Variants in DNAH14 observed in about 807,000 individuals in gnomAD.
DNAH14 encodes axonemal beta dynein heavy chain 14.
Under a neutral mutation model 520.9 loss-of-function variants are expected in DNAH14, and 478 were observed. That is an observed-to-expected ratio of 0.92 (90% CI 0.85 to 0.99). DNAH14 has a LOEUF of 0.99. Among genes scored for constraint, DNAH14 ranks in the 50% least tolerant of loss-of-function variants. DNAH14 has a pLI of 0.00. For synonymous variants in DNAH14, 1,581 were observed against 1,757.2 expected, an observed-to-expected ratio of 0.90 and a Z score of 2.51; for missense variants, 4,831 against 5,234.5, an observed-to-expected ratio of 0.92 and a Z score of 2.38.
chr1:225,030,395 A>G (rs1042383925), intron 11 of DNAH14, among the ~76,000 whole-genome samples: 14 of 151,840 alleles, frequency 9.2e-5, no homozygotes, highest in Admixed American at 5.9e-4. Context: ...ATGAAGTTCA[A>G]TTTATCTGTT....
At chr1:225,161,913 G>A (rs574765223) in intron 35 of DNAH14, among the ~76,000 whole-genome samples, 17 of 152,136 alleles carry the variant, frequency 1.1e-4, no homozygotes, top group South Asian at 1.0e-3. Flanking sequence ...CTAATTCCAT[G>A]TCAGATGGGT....
chr1:225,038,834 C>G lies in DNAH14; in HGVS notation c.1488+11C>G, dbSNP rs959212912. ...ACTGATATTAATGAGGTAAAATGAT[C>G]TTTGAAAAATATAAACATAGATTTT... On this transcript the variant is annotated intron_variant, in intron 12 of 85. Coordinates refer to ENST00000682510, the MANE Select transcript of DNAH14 (RefSeq NM_001367479.1). 2 of 1,461,890 alleles carry G rather than the reference C, an allele frequency of 1.4e-6. No homozygotes were observed. Among genetic ancestry groups the G allele is most frequent in the Middle Eastern group, 1.8e-4 (1 of 5,644 alleles). The allele number at this position is 1,461,890 out of a possible 1,614,324, so 90.6% of individuals were successfully genotyped here. A position where few individuals can be genotyped will look rare whatever the true frequency, so the allele number is the denominator to read the frequency against.
Position 225,159,177 on chromosome 1 carries a change from T to C in DNAH14, c.5274-137T>C, listed in dbSNP as rs1559134633. ...TCTGATTAATTCCACCCAAACCATA[T>C]GGCTGCTATCCAGTGAGAGAGAGGA... On this transcript the variant is annotated intron_variant, in intron 34 of 85. Transcript: ENST00000682510. The C allele has an allele frequency of 4.5e-6, 3 of 669,570 alleles. No individual in the cohort carries two copies. The East Asian group carries it at 8.7e-5, about 19-fold the overall frequency. 41.5% of individuals were successfully genotyped at this position (669,570 alleles called of 1,614,324 possible).
intron 42 of DNAH14, among the ~76,000 whole-genome samples, chr1:225,239,611 G>C (rs1171946728): frequency 6.6e-6 from 1 of 152,154 alleles, no homozygotes; most frequent in East Asian, 1.9e-4. Context: ...GGTGGCCGCT[G>C]CTTCTAATCA....
intron 1 of DNAH14, among the ~76,000 whole-genome samples, chr1:224,944,305 C>G (rs1344340884): frequency 1.3e-5 from 2 of 152,170 alleles, no homozygotes; most frequent in African/African-American, 4.8e-5. Context: ...TTATCTGAGA[C>G]TAGGATTGCA....
chr1:225,181,733 T>C (rs1407549910), intron 36 of DNAH14, among the ~76,000 whole-genome samples: 2 of 152,206 alleles, frequency 1.3e-5, no homozygotes, highest in African/African-American at 2.4e-5. Flanking sequence ...AGATTTTTGA[T>C]ACTGGACCTT....
intron 36 of DNAH14, among the ~76,000 whole-genome samples, chr1:225,184,614 T>C (rs1036415828): frequency 6.6e-6 from 1 of 152,052 alleles, no homozygotes; most frequent in African/African-American, 2.4e-5. Flanking sequence ...AGCAAGACTC[T>C]GTCTCAAAGA....
chr1:225,119,436 T>G, intron 26 of DNAH14, 142 bp downstream of exon 26: 2 of 514,988 alleles, frequency 3.9e-6, no homozygotes, highest in Non-Finnish European at 6.3e-6. Context: ...GTCAAATCTC[T>G]TATGAAATGG....
intron 36 of DNAH14, among the ~76,000 whole-genome samples, chr1:225,183,884 A>G (rs6662231): frequency 0.11 from 16,983 of 152,068 alleles, 1,482 homozygotes; most frequent in East Asian, 0.23. Flanking sequence ...AGGAAACTGA[A>G]ACCCTGAAAA....
Position 225,399,083 on chromosome 1 carries a change from CCAGA to C in DNAH14, c.13673_13676del (p.Thr4558IlefsTer31). On this transcript the variant is annotated frameshift_variant, in exon 86 of 86. Coordinates refer to ENST00000682510, the MANE Select transcript of DNAH14 (RefSeq NM_001367479.1). LOFTEE classifies it low-confidence loss of function (END_TRUNC). ...CTACCAAAACACCAAATGCTTCCAA[CCAGA>C]CAGATTCAGAACTCTATGCTTTTGA... is the stretch of plus-strand genomic sequence containing the variant. 3 of 1,551,280 alleles carry C rather than the reference CCAGA, an allele frequency of 1.9e-6. No individual in the cohort carries two copies. Among genetic ancestry groups the C allele is most frequent in the Non-Finnish European group, 2.6e-6 (3 of 1,146,830 alleles).
chr1:225,131,413 C>G (rs1337650351), intron 27 of DNAH14, among the ~76,000 whole-genome samples: 1 of 152,160 alleles, frequency 6.6e-6, no homozygotes, highest in East Asian at 1.9e-4. Flanking sequence ...CATTCCTTGG[C>G]TCACAGCCCA....
At chr1:225,237,534 C>A (rs537330570) in intron 42 of DNAH14, among the ~76,000 whole-genome samples, 1 of 152,058 alleles carries the variant, frequency 6.6e-6, no homozygotes, top group Non-Finnish European at 1.5e-5. Flanking sequence ...CTCTGGCTGC[C>A]CTTAACATTT....
At chr1:225,116,500 A>G (rs2076883696) in intron 23 of DNAH14, among the ~76,000 whole-genome samples, 1 of 152,208 alleles carries the variant, frequency 6.6e-6, no homozygotes, top group South Asian at 2.1e-4. Flanking sequence ...ATGCCTAGAT[A>G]CGTTTGGTTC....
intron 27 of DNAH14, among the ~76,000 whole-genome samples, chr1:225,126,095 T>TA (rs1236522604): frequency 6.6e-6 from 1 of 152,162 alleles, no homozygotes; most frequent in Non-Finnish European, 1.5e-5. Flanking sequence ...CCCAAACAAT[T>TA]ACAATAGTAA....
intron 34 of DNAH14, among the ~76,000 whole-genome samples, chr1:225,157,100 A>G (rs2081121540): frequency 1.3e-5 from 2 of 151,708 alleles, no homozygotes; most frequent in Non-Finnish European, 2.9e-5. Flanking sequence ...TGTAGGGGGC[A>G]TTTTTTTTCT....
At chr1:225,057,023 TG>T (rs754320293) in intron 17 of DNAH14, among the ~76,000 whole-genome samples, 14 of 152,250 alleles carry the variant, frequency 9.2e-5, no homozygotes, top group Non-Finnish European at 1.5e-4. Context: ...GGCCCTTTTT[TG>T]GTTCCATAGG....
At chr1:225,303,133 T>C (rs1558318118) in intron 56 of DNAH14, 23 bp from the exon 57 acceptor site, 1 of 1,403,524 alleles carries the variant, frequency 7.1e-7, no homozygotes, top group South Asian at 1.5e-5. Flanking sequence ...ATTTTAACAA[T>C]TTATATTTTC....
intron 64 of DNAH14, among the ~76,000 whole-genome samples, chr1:225,326,733 T>G (rs2094680108): frequency 6.6e-6 from 1 of 152,186 alleles, no homozygotes; most frequent in Admixed American, 6.5e-5. Flanking sequence ...TTTAGTTTAA[T>G]GAAAGTGTTT....
intron 41 of DNAH14, among the ~76,000 whole-genome samples, chr1:225,207,431 C>A (rs996684148): frequency 6.6e-6 from 1 of 152,070 alleles, no homozygotes; most frequent in African/African-American, 2.4e-5. Context: ...GTTGAAGGAT[C>A]ACAGGAAAAA....
Sources: allele counts gnomAD v4.1 joint callset (sites outside exome capture counted in the v4.1 genomes callset), GRCh38; gene constraint gnomAD v4.1.1; transcripts MANE v1.5; gene names NCBI Gene and HGNC (gene_info 2026-07-23, HGNC 2026-07-21).